Variants in MAP3K20 observed in about 807,000 individuals in gnomAD.
MAP3K20 encodes HCCS-4.
Under a neutral mutation model 85.7 loss-of-function variants are expected in MAP3K20, and 40 were observed. The observed-to-expected ratio is 0.47, with a 90% CI of 0.36 to 0.61. MAP3K20 has a LOEUF of 0.61. Among genes scored for constraint, MAP3K20 ranks in the 20% least tolerant of loss-of-function variants. The pLI is 0.00. For missense variants in MAP3K20, 817 were observed against 961.7 expected (o/e 0.85, Z 1.99); for synonymous variants, 325 against 327.7 (o/e 0.99, Z 0.09).
chr2:173,232,139 G>A (rs1472312162), intron 12 of MAP3K20, 53 bp from the exon 13 acceptor site: 5 of 1,607,470 alleles, frequency 3.1e-6, no homozygotes, highest in Non-Finnish European at 4.3e-6. Flanking sequence ...TGTGAAGACT[G>A]GCCACTGACC....
At chr2:173,141,103 G>T (rs1371671155) in intron 2 of MAP3K20, among the ~76,000 whole-genome samples, 1 of 152,108 alleles carries the variant, frequency 6.6e-6, no homozygotes, top group Non-Finnish European at 1.5e-5. Flanking sequence ...TTAGTATACT[G>T]AGGCACTTTT....
At chr2:173,111,148 A>C (rs1419639993) in intron 2 of MAP3K20, among the ~76,000 whole-genome samples, 1 of 152,092 alleles carries the variant, frequency 6.6e-6, no homozygotes, top group Admixed American at 6.5e-5. Context: ...GTGATATCAC[A>C]CTGTGGTTTT....
At chr2:173,128,048 T>TC (rs1348657342) in intron 2 of MAP3K20, among the ~76,000 whole-genome samples, 5 of 152,206 alleles carry the variant, frequency 3.3e-5, no homozygotes, top group Non-Finnish European at 7.3e-5. Flanking sequence ...CCTATTTTTT[T>TC]CTCATATCTC....
intron 2 of MAP3K20, among the ~76,000 whole-genome samples, chr2:173,166,007 A>T (rs75365412): frequency 6.6e-6 from 1 of 152,124 alleles, no homozygotes; most frequent in African/African-American, 2.4e-5. Flanking sequence ...AGTGTTGTGC[A>T]CCCATCACCA....
chr2:173,203,584 T>C (rs1683565619), intron 8 of MAP3K20, among the ~76,000 whole-genome samples: 1 of 152,232 alleles, frequency 6.6e-6, no homozygotes, highest in Non-Finnish European at 1.5e-5. Context: ...CTCCGTTCAC[T>C]ACAGTTCCCT....
At chr2:173,122,800 C>T (rs866529051) in intron 2 of MAP3K20, among the ~76,000 whole-genome samples, 1 of 152,144 alleles carries the variant, frequency 6.6e-6, no homozygotes, top group Non-Finnish European at 1.5e-5. Context: ...TGTCCCTGAT[C>T]CCTTTGATAG....
intron 2 of MAP3K20, among the ~76,000 whole-genome samples, chr2:173,105,463 A>G (rs920347142): frequency 6.6e-6 from 1 of 152,244 alleles, no homozygotes; most frequent in African/African-American, 2.4e-5. Flanking sequence ...ACAATGAACA[A>G]TTAGAATCTG....
intron 17 of MAP3K20, 114 bp from the exon 18 acceptor site, chr2:173,260,949 T>C: frequency 1.2e-6 from 1 of 810,172 alleles, no homozygotes; most frequent in South Asian, 1.7e-5. Context: ...CATGATAATC[T>C]GATATTATGC....
intron 2 of MAP3K20, among the ~76,000 whole-genome samples, chr2:173,122,074 A>G (rs561702149): frequency 6.6e-6 from 1 of 152,344 alleles, no homozygotes; most frequent in African/African-American, 2.4e-5. Context: ...TTTGTCACCA[A>G]TCTTACAATC....
In MAP3K20 at chr2:173,266,729, C is replaced by A. The variant is rs965745639; in HGVS notation, c.2382C>A (p.His794Gln). 7 of 1,518,404 alleles carry A rather than the reference C, an allele frequency of 4.6e-6. No individual in the cohort carries two copies. In the African/African-American group the frequency reaches 9.9e-5, roughly 21 times the overall value. 94.1% of individuals were successfully genotyped at this position (1,518,404 alleles called of 1,614,324 possible). ...KTNKERARGD[H>Q]RGWRNF Reference sequence around the variant, plus strand: ...ATAAAGAGAGAGCCAGAGGGGACCACCGTGGATGGAGAAACTTTTGATGAA... The same window carrying A: ...ATAAAGAGAGAGCCAGAGGGGACCAACGTGGATGGAGAAACTTTTGATGAA... Residue 794 changes from histidine to glutamine, a missense_variant, in exon 20 of 20, where the codon CAC becomes CAA. This residue lies in a region of MAP3K20 where 454 missense variants were observed against 476.9 expected (regional missense o/e 0.95). Coordinates refer to ENST00000375213, the MANE Select transcript of MAP3K20 (RefSeq NM_016653.3).
intron 1 of MAP3K20, among the ~76,000 whole-genome samples, chr2:173,083,874 T>C (rs577008720): frequency 6.6e-6 from 1 of 152,318 alleles, no homozygotes; most frequent in East Asian, 1.9e-4. Flanking sequence ...CAGGTCATGA[T>C]AAAACGTGTA....
chr2:173,145,171 A>G (rs1324726856), intron 2 of MAP3K20, among the ~76,000 whole-genome samples: 2 of 152,068 alleles, frequency 1.3e-5, no homozygotes, highest in Non-Finnish European at 2.9e-5. Context: ...TTTGATAGCC[A>G]GATATTCCTT....
intron 2 of MAP3K20, among the ~76,000 whole-genome samples, chr2:173,092,933 TAA>T (rs1687342877): frequency 6.6e-6 from 1 of 152,034 alleles, no homozygotes; most frequent in Admixed American, 6.5e-5. Flanking sequence ...TGAATGTAGG[TAA>T]TTCAGAAATT....
At chr2:173,176,275 T>C (rs988050650) in intron 3 of MAP3K20, among the ~76,000 whole-genome samples, 1 of 152,106 alleles carries the variant, frequency 6.6e-6, no homozygotes, top group African/African-American at 2.4e-5. Flanking sequence ...ATTCAACTTA[T>C]GGTTTTTCTA....
intron 16 of MAP3K20, among the ~76,000 whole-genome samples, chr2:173,256,516 GATAGATAGATA>G (rs1312849098): frequency 2.0e-5 from 3 of 150,730 alleles, no homozygotes; most frequent in Non-Finnish European, 1.5e-5. Context: ...TAGATAGATA[GATAGATAGATA>G]GATAGACAGA....
chr2:173,193,829 G>A (rs1690737544), intron 7 of MAP3K20, among the ~76,000 whole-genome samples: 1 of 152,150 alleles, frequency 6.6e-6, no homozygotes, highest in Non-Finnish European at 1.5e-5. Flanking sequence ...CTCTCTACTT[G>A]TGTGCTGACC....
chr2:173,082,327 C>G (rs1398867405), intron 1 of MAP3K20, among the ~76,000 whole-genome samples: 1 of 152,186 alleles, frequency 6.6e-6, no homozygotes, highest in Non-Finnish European at 1.5e-5. Context: ...TCTTGATCAT[C>G]AAAACATAAT....
chr2:173,140,217 G>A (rs1197696950), intron 2 of MAP3K20, among the ~76,000 whole-genome samples: 1 of 152,030 alleles, frequency 6.6e-6, no homozygotes, highest in Admixed American at 6.6e-5. Flanking sequence ...TTGCCATGTT[G>A]GCCAGGCTGG....
At chr2:173,154,946 TATTTC>T (rs1331800087) in intron 2 of MAP3K20, among the ~76,000 whole-genome samples, 1 of 152,198 alleles carries the variant, frequency 6.6e-6, no homozygotes, top group African/African-American at 2.4e-5. Flanking sequence ...TGTAAAGTAT[TATTTC>T]AAGAAGTTTT....
Sources: gnomAD v4.1 joint callset for allele counts (sites outside exome capture counted in the v4.1 genomes callset) on GRCh38, gnomAD v4.1.1 for gene constraint, gnomAD v4.1.1 regional missense constraint, MANE v1.5 for transcripts, NCBI Gene and HGNC (gene_info 2026-07-23, HGNC 2026-07-21) for gene names.